Variants in WIPF1 observed in about 807,000 individuals in gnomAD.
WIPF1 encodes the protein WAS/WASL-interacting protein family member 1.
A neutral mutation model predicts 35.4 loss-of-function variants in WIPF1; 13 were observed. The observed-to-expected ratio is 0.37, with a 90% confidence interval of 0.24 to 0.58. The LOEUF is 0.58. WIPF1 is among the 20% of genes least tolerant of loss of function. The pLI, the probability that WIPF1 is intolerant of heterozygous loss-of-function variation, is 0.74. For missense variants in WIPF1, 591 were observed against 667.0 expected, an observed-to-expected ratio of 0.89 and a Z score of 1.25; for synonymous variants, 267 against 266.3, an observed-to-expected ratio of 1.00 and a Z score of -0.02.
At chr2:174,610,121 G>A (rs928887788) in intron 1 of WIPF1, among the ~76,000 whole-genome samples, 14 of 152,272 alleles carry the variant, frequency 9.2e-5, no homozygotes, top group South Asian at 4.1e-4. Flanking sequence ...GGGTTGCCTC[G>A]ATGGGGTCAA....
chr2:174,668,634 G>T (rs1047745069), intron 1 of WIPF1, among the ~76,000 whole-genome samples: 1 of 152,192 alleles, frequency 6.6e-6, no homozygotes, highest in African/African-American at 2.4e-5. Flanking sequence ...GGATGATTCA[G>T]AGCAAAGTTA....
chr2:174,617,365 T>C (rs989268519), intron 1 of WIPF1, among the ~76,000 whole-genome samples: 6 of 152,242 alleles, frequency 3.9e-5, no homozygotes, highest in Non-Finnish European at 7.3e-5. Context: ...TGCTACTCTC[T>C]GGCCAGGAGA....
intron 1 of WIPF1, among the ~76,000 whole-genome samples, chr2:174,679,241 T>C (rs754675010): frequency 7.9e-5 from 12 of 152,028 alleles, no homozygotes; most frequent in Non-Finnish European, 1.3e-4. Flanking sequence ...GAGGCCGAGA[T>C]AGGCCGATCA....
At position 174,594,151 on chromosome 2, in the gene WIPF1, G is replaced by C. The variant is rs950985272; in HGVS notation, c.-39+3450C>G. ...CAATACTTCAGCAACGTCTGATTAGGTTGTCTTCTTAATGGTAAATGTCAA... is the reference window on the plus strand; with the variant it reads ...CAATACTTCAGCAACGTCTGATTAGCTTGTCTTCTTAATGGTAAATGTCAA... On this transcript the variant is annotated intron_variant, in intron 1 of 7. Coordinates refer to ENST00000679041, the MANE Select transcript of WIPF1 (RefSeq NM_001375834.1). Among the ~76,000 whole-genome samples, 6 of 152,204 alleles carry C rather than the reference G, an allele frequency of 3.9e-5. No homozygotes were observed. The East Asian group carries it at 9.6e-4, about 24-fold the overall frequency.
Position 174,571,275 on chromosome 2 carries a change from CTTG to C in WIPF1, c.1129+398_1129+400del, listed in dbSNP as rs1574789793. 2.4e-6 allele frequency: 1 copy of C among 417,446 alleles called. No individual in the cohort carries two copies. Among genetic ancestry groups the C allele is most frequent in the Non-Finnish European group, 4.3e-6 (1 of 233,484 alleles). The allele number at this position is 417,446 out of a possible 1,614,324, so 25.9% of individuals were successfully genotyped here. A position where few individuals can be genotyped will look rare whatever the true frequency, so the allele number is the denominator to read the frequency against. ...CATTAGCTCTTGAAGAACTTCCCCT[CTTG>C]TTGGAATAACAGAGCCCTCCTGCGG... On this transcript the variant is annotated intron_variant, in intron 5 of 7. Coordinates refer to ENST00000679041, the MANE Select transcript of WIPF1 (RefSeq NM_001375834.1). This position sits in a 1 kb window ranked among gnomAD's most constrained non-coding sequence, Gnocchi z 4.6.
At chr2:174,570,912 T>C (rs1684810685) in intron 5 of WIPF1, among the ~76,000 whole-genome samples, 1 of 152,186 alleles carries the variant, frequency 6.6e-6, no homozygotes, top group African/African-American at 2.4e-5. Context: ...AAAATGCCTA[T>C]TATAATTCGG....
intron 1 of WIPF1, among the ~76,000 whole-genome samples, chr2:174,589,198 C>T (rs769872171): frequency 6.6e-6 from 1 of 152,216 alleles, no homozygotes; most frequent in African/African-American, 2.4e-5. Context: ...TTTCCACCAG[C>T]CTATGGACTC....
At position 174,571,682 on chromosome 2, in the gene WIPF1, G is replaced by C; in HGVS notation, c.1123C>G (p.Arg375Gly). The C allele has an allele frequency of 1.9e-6, 3 of 1,614,172 alleles. No homozygotes were observed. Among genetic ancestry groups the C allele is most frequent in the Non-Finnish European group, 2.5e-6 (3 of 1,180,034 alleles). The stretch of plus-strand genomic sequence containing the variant: ...ACTCCACGTCTTGTCATACCTGATC[G>C]GCCTGGCGGGTCCCTCACTGGAGGT... ...PPPPVRDPPG[R>G]SGPLPPPPPV... is the part of the protein sequence containing the mutation. Residue 375 changes from arginine (R) to glycine (G), a missense_variant, in exon 5 of 8, where the codon CGA becomes GGA. Transcript: ENST00000679041. The surrounding 1 kb of genome is among the most constrained non-coding windows in gnomAD (Gnocchi z 4.6).
chr2:174,676,851 A>G (rs950627105), intron 1 of WIPF1, among the ~76,000 whole-genome samples: 1 of 152,194 alleles, frequency 6.6e-6, no homozygotes, highest in African/African-American at 2.4e-5. Context: ...AAAGCTAATT[A>G]TGTATAAGAA....
chr2:174,635,924 A>T (rs1687173553), intron 1 of WIPF1, among the ~76,000 whole-genome samples: 2 of 152,110 alleles, frequency 1.3e-5, no homozygotes, highest in African/African-American at 4.8e-5. Context: ...TCACCACATG[A>T]TTGCACTTCT....
At position 174,571,613 on chromosome 2, in the gene WIPF1, G is replaced by A. The variant is rs778863213; in HGVS notation, c.1129+63C>T. 1 of 1,605,386 alleles carries A rather than the reference G, an allele frequency of 6.2e-7. No individual in the cohort carries two copies. The highest frequency in any genetic ancestry group is 8.5e-7 in the Non-Finnish European group (1 of 1,172,450). ...TTTTGTTAGACTATCTTGACTGACA[G>A]GATTATTGGTACATTTGGGCAGGCT... On this transcript the variant is annotated intron_variant, in intron 5 of 7. Transcript: ENST00000679041. This position sits in a 1 kb window ranked among gnomAD's most constrained non-coding sequence, Gnocchi z 4.6.
intron 2 of WIPF1, among the ~76,000 whole-genome samples, chr2:174,584,815 G>A (rs1368276268): frequency 6.6e-6 from 1 of 152,026 alleles, no homozygotes; most frequent in African/African-American, 2.4e-5. Context: ...GGGAGGCTGA[G>A]GCAGGAGAAT....
At chr2:174,562,624 A>G in intron 7 of WIPF1, 22 bp from the exon 8 acceptor site, 1 of 1,613,696 alleles carries the variant, frequency 6.2e-7, no homozygotes, top group Non-Finnish European at 8.5e-7. Context: ...AACAGACAAA[A>G]TATAATTTTG....
Position 174,666,518 on chromosome 2 carries a change from G to C in WIPF1, c.-39+16256C>G, listed in dbSNP as rs573680077. Among the ~76,000 whole-genome samples, 3 of 152,328 alleles carry C rather than the reference G, an allele frequency of 2.0e-5. No homozygotes were observed. In the South Asian group the frequency reaches 6.2e-4, roughly 32 times the overall value. On this transcript the variant is annotated intron_variant, in intron 1 of 8. Transcript: ENST00000272746. ...CACACCCTGCCCTCTAGTTCCTCAA[G>C]CAAGCAAGCCATTACTGGTTTCATG... is the stretch of plus-strand genomic sequence containing the variant.
chr2:174,584,075 A>G lies in WIPF1; in HGVS notation c.51+1448T>C, dbSNP rs1685324669. Among the ~76,000 whole-genome samples, 3 of 152,302 alleles carry G rather than the reference A, an allele frequency of 2.0e-5. No individual in the cohort carries two copies. In the South Asian group the frequency reaches 6.2e-4, roughly 32 times the overall value. On this transcript the variant is annotated intron_variant, in intron 2 of 7. Coordinates refer to ENST00000679041, the MANE Select transcript of WIPF1 (RefSeq NM_001375834.1). Reference sequence around the variant, plus strand: ...ACTCCTGGGCTCAAGTTATCCTTCCAAAGTGCACGCCTGGCCAAGGACCAG... The same window carrying G: ...ACTCCTGGGCTCAAGTTATCCTTCCGAAGTGCACGCCTGGCCAAGGACCAG...
chr2:174,620,295 T>C (rs1686635822), intron 1 of WIPF1, among the ~76,000 whole-genome samples: 1 of 152,188 alleles, frequency 6.6e-6, no homozygotes, highest in African/African-American at 2.4e-5. Flanking sequence ...GCAACTAGAA[T>C]CTAGGTGTCT....
upstream of WIPF1, among the ~76,000 whole-genome samples, chr2:174,600,679 G>A (rs950268224): frequency 3.3e-5 from 5 of 152,044 alleles, no homozygotes; most frequent in African/African-American, 9.7e-5. Flanking sequence ...ATGCGTCACC[G>A]CTTGACACTG....
intron 1 of WIPF1, among the ~76,000 whole-genome samples, chr2:174,672,933 C>G (rs1688051358): frequency 6.6e-6 from 1 of 152,220 alleles, no homozygotes; most frequent in Admixed American, 6.5e-5. Flanking sequence ...AATATCAGGT[C>G]TTAACCTGAA....
intron 1 of WIPF1, among the ~76,000 whole-genome samples, chr2:174,595,290 C>CAAAAAAAAAAAAAAAAAAAAAAAAA (rs377491345): frequency 2.2e-5 from 1 of 45,290 alleles, no homozygotes; most frequent in African/African-American, 8.1e-5. Flanking sequence ...AACCCTGTCT[C>CAAAAAAAAAAAAAAAAAAAAAAAAA]AAAAAAAAAA....
Sources: allele counts gnomAD v4.1 joint callset (sites outside exome capture counted in the v4.1 genomes callset), GRCh38; gene constraint gnomAD v4.1.1; non-coding constraint Gnocchi (gnomAD v3.1); transcripts MANE v1.5; gene names NCBI Gene and HGNC (gene_info 2026-07-23, HGNC 2026-07-21).